The following PASD1 variants were observed in gnomAD, a reference collection of about 807,000 sequenced individuals.
The protein encoded by PASD1 is PAS domain containing repressor 1, also known as circadian clock protein PASD1.
In PASD1, 13 loss-of-function variants were observed where a neutral mutation model predicts 58.8. The observed-to-expected ratio is 0.22, with a 90% CI of 0.14 to 0.35. PASD1 has a LOEUF of 0.35. Ranked by LOEUF, PASD1 falls within the 10% of genes least tolerant of loss-of-function variation. The probability of loss-of-function intolerance (pLI) is 1.00; values close to 1 mark genes in which losing one functional copy is unlikely to be tolerated. For synonymous variants in PASD1, 236 were observed against 216.7 expected (o/e 1.09, Z -0.78); for missense variants, 734 against 568.3 (o/e 1.29, Z -2.96).
intron 4 of PASD1, among the ~76,000 whole-genome samples, chrX:151,613,066 A>T (rs1343615659): frequency 8.9e-6 from 1 of 112,174 alleles, no homozygotes; most frequent in Non-Finnish European, 1.9e-5. Context: ...ACCATTTGTT[A>T]AATAGAGAAT....
At chrX:151,596,297 A>AGG (rs1199627540) in intron 1 of PASD1, among the ~76,000 whole-genome samples, 1 of 112,119 alleles carries the variant, frequency 8.9e-6, no homozygotes, top group African/African-American at 3.2e-5. Flanking sequence ...TCTAAGGGGA[A>AGG]GGGGACATGT....
At chrX:151,641,815 T>TACAC (rs748009729) in intron 8 of PASD1, among the ~76,000 whole-genome samples, 151 of 104,755 alleles carry the variant, frequency 1.4e-3, no homozygotes, top group Admixed American at 2.2e-3. Context: ...CACGCGTACT[T>TACAC]ACACACACAC....
chrX:151,613,423 C>T (rs1168943542), intron 4 of PASD1, among the ~76,000 whole-genome samples: 1 of 108,661 alleles, frequency 9.2e-6, no homozygotes, highest in Admixed American at 9.8e-5. Context: ...TGGCCATTTT[C>T]ACGATATTGA....
At chrX:151,633,832 T>G (rs1569410207) in intron 8 of PASD1, among the ~76,000 whole-genome samples, 1 of 112,368 alleles carries the variant, frequency 8.9e-6, no homozygotes, top group African/African-American at 3.2e-5. Flanking sequence ...TTAAAAAAAC[T>G]GGGACAAATT....
chrX:151,645,387 C>CT (rs1320733527), intron 8 of PASD1, among the ~76,000 whole-genome samples: 1 of 112,003 alleles, frequency 8.9e-6, no homozygotes. Flanking sequence ...CATTTGACAT[C>CT]TTTTTCATAT....
At chrX:151,640,526 C>T (rs2013983871) in intron 8 of PASD1, among the ~76,000 whole-genome samples, 1 of 111,843 alleles carries the variant, frequency 8.9e-6, no homozygotes, top group African/African-American at 3.3e-5. Context: ...ACATCCTGTC[C>T]TCAGTTGGAA....
chrX:151,665,578 G>A (rs1323882865), intron 11 of PASD1, among the ~76,000 whole-genome samples: 4 of 111,407 alleles, frequency 3.6e-5, no homozygotes, highest in Non-Finnish European at 5.6e-5. Flanking sequence ...AATGGGAAGG[G>A]ACAGGACAGC....
At chrX:151,640,481 C>G (rs1304976678) in intron 8 of PASD1, among the ~76,000 whole-genome samples, 3 of 111,960 alleles carry the variant, frequency 2.7e-5, no homozygotes, top group African/African-American at 9.8e-5. Flanking sequence ...TTCAAAAACC[C>G]TGTCCTCTTT....
In PASD1 at chrX:151,664,113, C is replaced by CCTCA; in HGVS notation, c.842-5_842-2dup. On this transcript the variant is annotated splice_region_variant and splice_polypyrimidine_tract_variant and intron_variant, in intron 10 of 15. Transcript: ENST00000370357. ...GTCATGAACTCCCCTGTGCTTTCTT[C>CCTCA]CTCAGCCTTATCCTTGCAAGACTTT... The CCTCA allele has an allele frequency of 8.3e-7, 1 of 1,211,433 alleles. No homozygotes were observed. Among genetic ancestry groups the CCTCA allele is most frequent in the Non-Finnish European group, 1.1e-6 (1 of 895,436 alleles).
intron 1 of PASD1, among the ~76,000 whole-genome samples, chrX:151,566,502 G>T (rs1299776306): frequency 8.9e-6 from 1 of 111,747 alleles, no homozygotes; most frequent in African/African-American, 3.3e-5. Flanking sequence ...CTATCCTTGT[G>T]ACCTTTGAAA....
intron 4 of PASD1, among the ~76,000 whole-genome samples, chrX:151,613,986 G>A (rs1569405699): frequency 9.2e-6 from 1 of 109,254 alleles, no homozygotes; most frequent in African/African-American, 3.4e-5. Context: ...AAGCGAGGGA[G>A]CTCTTTTTTT....
Position 151,630,732 on chromosome X carries a change from C to T in PASD1, c.629+5202C>T, listed in dbSNP as rs774918449. 2.9e-3 allele frequency among the ~76,000 whole-genome samples: 323 copies of T among 112,680 alleles called. 2 individuals carry two copies. Among genetic ancestry groups the T allele is most frequent in the Middle Eastern group, 4.6e-3 (1 of 217 alleles). On this transcript the variant is annotated intron_variant, in intron 8 of 15. Transcript: ENST00000370357. ...TCCATTTTTTAAGATTAAGAAGCAT[C>T]CTGCTAAGTTTTCTCTATGCTTATG...
intron 11 of PASD1, among the ~76,000 whole-genome samples, chrX:151,665,677 C>T (rs898448621): frequency 3.6e-5 from 4 of 111,561 alleles, no homozygotes; most frequent in South Asian, 7.7e-4. Context: ...CCTTCTCAGA[C>T]GGATTAGGTC....
chrX:151,666,963 T>G (rs902620229), intron 11 of PASD1, among the ~76,000 whole-genome samples: 3 of 109,070 alleles, frequency 2.8e-5, no homozygotes, highest in Non-Finnish European at 3.8e-5. Context: ...TTGCCACACT[T>G]TCTTCCACAA....
At chrX:151,669,084 T>C (rs1052725717) in intron 11 of PASD1, among the ~76,000 whole-genome samples, 1 of 108,125 alleles carries the variant, frequency 9.2e-6, no homozygotes, top group African/African-American at 3.4e-5. Context: ...TATTTTACTT[T>C]AAGATATTGT....
At chrX:151,576,115 C>T (rs2013001749) in intron 1 of PASD1, among the ~76,000 whole-genome samples, 1 of 109,448 alleles carries the variant, frequency 9.1e-6, no homozygotes, top group African/African-American at 3.3e-5. Flanking sequence ...TGATCTGCCC[C>T]CCTCGGCTTC....
At chrX:151,578,283 A>T (rs1476455247) in intron 1 of PASD1, 1 of 112,296 alleles carries the variant, frequency 8.9e-6, no homozygotes, top group African/African-American at 3.2e-5. Flanking sequence ...TAATCCTGTT[A>T]ACATCTTTTG....
At chrX:151,671,414 G>T (rs193058987) in intron 12 of PASD1, among the ~76,000 whole-genome samples, 159 bp from the exon 13 acceptor site, 148 of 112,382 alleles carry the variant, frequency 1.3e-3, no homozygotes, top group African/African-American at 4.6e-3. Flanking sequence ...GCTGAGATTG[G>T]CCCAGCCAGG....
intron 1 of PASD1, among the ~76,000 whole-genome samples, chrX:151,586,433 G>A (rs2013166398): frequency 8.9e-6 from 1 of 111,915 alleles, no homozygotes; most frequent in African/African-American, 3.3e-5. Flanking sequence ...TTCCAGTGCT[G>A]TCAGGTACTA....
Sources: allele counts gnomAD v4.1 joint callset (sites outside exome capture counted in the v4.1 genomes callset), GRCh38; gene constraint gnomAD v4.1.1; transcripts MANE v1.5; gene names NCBI Gene and HGNC (gene_info 2026-07-23, HGNC 2026-07-21).